PDPR: variants seen among roughly 807,000 people sequenced by gnomAD.
PDPR encodes the protein pyruvate dehydrogenase phosphatase regulatory subunit, mitochondrial.
A neutral mutation model predicts 102.2 loss-of-function variants in PDPR; 50 were observed. The ratio of observed to expected loss-of-function variants is 0.49; its 90% CI spans 0.39 to 0.62. The LOEUF (loss-of-function observed/expected upper bound fraction) is 0.62, where lower values mean the gene tolerates loss of function less well. Ranked by LOEUF, PDPR falls within the 20% of genes least tolerant of loss-of-function variation. The probability of loss-of-function intolerance (pLI) is 0.00; values close to 1 mark genes in which losing one functional copy is unlikely to be tolerated. For missense variants in PDPR, 625 were observed against 1,098.2 expected (o/e 0.57, Z 6.09); for synonymous variants, 259 against 406.0 (o/e 0.64, Z 4.35).
At chr16:70,145,530 G>A (rs1196718453) in intron 15 of PDPR, among the ~76,000 whole-genome samples, 1 of 152,248 alleles carries the variant, frequency 6.6e-6, no homozygotes, top group Non-Finnish European at 1.5e-5. Context: ...CCACCTAACT[G>A]ATCTTGCCCC....
At chr16:70,122,044 T>C (rs1056918505) in intron 3 of PDPR, among the ~76,000 whole-genome samples, 1 of 152,198 alleles carries the variant, frequency 6.6e-6, no homozygotes, top group African/African-American at 2.4e-5. Context: ...TGGAGTGCAG[T>C]GGTGCAATTT....
At chr16:70,119,369 A>G (rs1962990030) in intron 2 of PDPR, among the ~76,000 whole-genome samples, 1 of 151,772 alleles carries the variant, frequency 6.6e-6, no homozygotes, top group Admixed American at 6.6e-5. Context: ...GAAAAGAAAA[A>G]CATCCCAGAT....
chr16:70,149,796 G>C (rs1023494054), intron 17 of PDPR, among the ~76,000 whole-genome samples: 3 of 152,188 alleles, frequency 2.0e-5, no homozygotes, highest in African/African-American at 4.8e-5. Flanking sequence ...TCCTTCTCCA[G>C]AACCTTTTTT....
rs560546364 is a variant in PDPR, at chr16:70,130,014, C to T, written c.608-409C>T. 1.6e-4 allele frequency among the ~76,000 whole-genome samples: 25 copies of T among 152,348 alleles called. No homozygotes were observed. In the South Asian group the frequency reaches 2.3e-3, roughly 14 times the overall value. ...TTTTTTTTAAATGAAAGCATTGAGC[C>T]GGGCGTGGTGTCTCATGCCTGTAAT... On this transcript the variant is annotated intron_variant, in intron 6 of 18. Transcript: ENST00000288050.
At chr16:70,128,189 G>T (rs1248478291) in intron 4 of PDPR, among the ~76,000 whole-genome samples, 3 of 152,088 alleles carry the variant, frequency 2.0e-5, no homozygotes, top group Non-Finnish European at 4.4e-5. Context: ...AAGGTGGGAA[G>T]AATAGGGATG....
At chr16:70,153,832 G>T (rs1168005134) in intron 18 of PDPR, among the ~76,000 whole-genome samples, 1 of 152,052 alleles carries the variant, frequency 6.6e-6, no homozygotes, top group African/African-American at 2.4e-5. Flanking sequence ...ATCACCTGAG[G>T]TCAGGAGTTC....
chr16:70,117,819 G>A (rs561546025), intron 2 of PDPR, among the ~76,000 whole-genome samples: 1 of 152,010 alleles, frequency 6.6e-6, no homozygotes, highest in South Asian at 2.1e-4. Flanking sequence ...TAAGGTGGGT[G>A]TGGTGGTTCA....
chr16:70,116,369 G>A (rs1414436027), intron 2 of PDPR, among the ~76,000 whole-genome samples: 11 of 142,120 alleles, frequency 7.7e-5, no homozygotes, highest in Admixed American at 3.6e-4. Context: ...GAGCCCCTGC[G>A]CCTGGCCTTT....
intron 2 of PDPR, among the ~76,000 whole-genome samples, chr16:70,115,840 T>C (rs1418040051): frequency 6.6e-6 from 1 of 152,130 alleles, no homozygotes; most frequent in Non-Finnish European, 1.5e-5. Context: ...GATGATGTGC[T>C]TCATTTCTGT....
At chr16:70,147,957 G>C (rs1259161513) in intron 16 of PDPR, among the ~76,000 whole-genome samples, 1 of 152,248 alleles carries the variant, frequency 6.6e-6, no homozygotes, top group Non-Finnish European at 1.5e-5. Context: ...GATTGCGTCA[G>C]TGGCCGCTGT....
At chr16:70,154,341 C>T (rs1280247099) in intron 18 of PDPR, among the ~76,000 whole-genome samples, 1 of 152,216 alleles carries the variant, frequency 6.6e-6, no homozygotes, top group Non-Finnish European at 1.5e-5. Context: ...AAAAAGAAAA[C>T]ATAGTAAATA....
chr16:70,123,800 C>T (rs1407879072), intron 3 of PDPR, among the ~76,000 whole-genome samples: 4 of 152,274 alleles, frequency 2.6e-5, no homozygotes, highest in Non-Finnish European at 5.9e-5. Flanking sequence ...CACCTGTAAT[C>T]CCAGGACTTT....
chr16:70,128,719 G>C, intron 4 of PDPR, 65 bp from the exon 5 acceptor site: 1 of 1,612,314 alleles, frequency 6.2e-7, no homozygotes, highest in South Asian at 1.1e-5. Context: ...TAATCTAGTG[G>C]ATTTTCCACT....
chr16:70,114,961 G>A (rs1391160813), intron 2 of PDPR, 31 bp downstream of exon 2: 1 of 152,098 alleles, frequency 6.6e-6, no homozygotes, highest in Non-Finnish European at 1.5e-5. Context: ...TTGACCTTTG[G>A]GGGCCGATGT....
intron 2 of PDPR, among the ~76,000 whole-genome samples, chr16:70,118,519 G>A (rs941620799): frequency 3.3e-5 from 5 of 152,268 alleles, no homozygotes; most frequent in African/African-American, 7.2e-5. Context: ...TGACAGTGAG[G>A]TCAATGGGAC....
intron 3 of PDPR, among the ~76,000 whole-genome samples, chr16:70,121,428 A>G (rs1219916935): frequency 6.6e-6 from 1 of 151,762 alleles, no homozygotes; most frequent in Non-Finnish European, 1.5e-5. Flanking sequence ...ATGGTGGCTC[A>G]CACTTGTAAT....
chr16:70,123,926 C>T lies in PDPR; in HGVS notation c.227+3207C>T, dbSNP rs1363434964. ...GAAATTAACTGGGAGTGGTTATTCG[C>T]GTCTGTTAATCTCAGCTACTCGGGA... On this transcript the variant is annotated intron_variant, in intron 3 of 18. Transcript: ENST00000288050. Among the ~76,000 whole-genome samples the T allele has an allele frequency of 2.0e-5, 3 of 152,132 alleles. No individual in the cohort carries two copies. The East Asian group carries it at 5.8e-4, about 29-fold the overall frequency.
chr16:70,132,035 A>G (rs765840684), intron 8 of PDPR, 116 bp from the exon 9 acceptor site: 15 of 1,571,902 alleles, frequency 9.5e-6, no homozygotes, highest in South Asian at 6.9e-5. Context: ...TCTTTCATTA[A>G]TAAAGCCATT....
intron 4 of PDPR, 80 bp downstream of exon 4, chr16:70,127,473 G>A (rs1433565034): frequency 6.4e-6 from 10 of 1,569,492 alleles, no homozygotes; most frequent in Non-Finnish European, 7.8e-6. Context: ...CCTCTGCCAG[G>A]TGTGCCTGCT....
Sources: allele counts gnomAD v4.1 joint callset (sites outside exome capture counted in the v4.1 genomes callset), GRCh38; gene constraint gnomAD v4.1.1; transcripts MANE v1.5; gene names NCBI Gene and HGNC (gene_info 2026-07-23, HGNC 2026-07-21).